The following PLEKHA2 variants were observed in gnomAD, a reference collection of about 807,000 sequenced individuals.
PLEKHA2 encodes the protein pleckstrin homology domain-containing family A member 2.
Under a neutral mutation model 53.2 loss-of-function variants are expected in PLEKHA2, and 28 were observed. The observed-to-expected ratio is 0.53, with a 90% confidence interval of 0.39 to 0.72. The LOEUF (loss-of-function observed/expected upper bound fraction) is 0.72. PLEKHA2 is among the 30% of genes least tolerant of loss of function. PLEKHA2 has a pLI of 0.00. For synonymous variants in PLEKHA2, 193 were observed against 196.4 expected, an observed-to-expected ratio of 0.98 and a Z score of 0.14; for missense variants, 426 against 537.9, an observed-to-expected ratio of 0.79 and a Z score of 2.06.
chr8:38,911,525 C>G (rs1243080776), intron 1 of PLEKHA2, among the ~76,000 whole-genome samples: 1 of 152,098 alleles, frequency 6.6e-6, no homozygotes, highest in Admixed American at 6.5e-5. Context: ...GTGTGAGCCA[C>G]CGTGCCAGGC....
intron 10 of PLEKHA2, among the ~76,000 whole-genome samples, chr8:38,966,832 G>A (rs1249778240): frequency 1.3e-5 from 2 of 152,090 alleles, no homozygotes; most frequent in Non-Finnish European, 2.9e-5. Flanking sequence ...TACAAGTGCG[G>A]TTTTGTTACA....
chr8:38,966,148 G>A (rs1430310588), intron 10 of PLEKHA2, among the ~76,000 whole-genome samples: 3 of 152,058 alleles, frequency 2.0e-5, no homozygotes, highest in African/African-American at 4.8e-5. Flanking sequence ...TTTTGCCCTC[G>A]TGCACCAGGA....
intron 1 of PLEKHA2, among the ~76,000 whole-genome samples, chr8:38,911,228 C>A (rs923750166): frequency 7.3e-6 from 1 of 137,032 alleles, no homozygotes; most frequent in African/African-American, 2.8e-5. Flanking sequence ...GAGCTCTAAC[C>A]CAGCATGAAC....
rs1834654447 is a variant in PLEKHA2 at position 38,943,707 on chromosome 8, A to T, written c.199-82A>T. On this transcript the variant is annotated intron_variant, in intron 3 of 11. Transcript: ENST00000617275. ...TAGACATATGTTTAATGTACTCTTT[A>T]TATATGAGAAATTTCACAATAAGAA... The T allele has an allele frequency of 2.7e-6, 3 of 1,091,770 alleles. No homozygotes were observed. In the South Asian group the frequency reaches 4.5e-5, roughly 16 times the overall value. The allele number at this position is 1,091,770 out of a possible 1,614,324, so 67.6% of individuals were successfully genotyped here. A position where few individuals can be genotyped will look rare whatever the true frequency, so the allele number is the denominator to read the frequency against.
At chr8:38,950,160 G>A (rs1337809837) in intron 5 of PLEKHA2, among the ~76,000 whole-genome samples, 2 of 151,968 alleles carry the variant, frequency 1.3e-5, no homozygotes, top group African/African-American at 4.8e-5. Context: ...TCCTACCTTG[G>A]CCTGTTGAGC....
intron 1 of PLEKHA2, among the ~76,000 whole-genome samples, chr8:38,910,835 T>C (rs1393104015): frequency 2.0e-5 from 3 of 152,238 alleles, no homozygotes; most frequent in Non-Finnish European, 4.4e-5. Flanking sequence ...TCCATTAATG[T>C]TATGCAACCA....
At chr8:38,944,595 T>C (rs1834673232) in intron 4 of PLEKHA2, among the ~76,000 whole-genome samples, 1 of 152,034 alleles carries the variant, frequency 6.6e-6, no homozygotes, top group Non-Finnish European at 1.5e-5. Flanking sequence ...GTGCTATGCA[T>C]ATTTAAATAA....
chr8:38,963,735 T>A (rs1033761780), intron 10 of PLEKHA2, among the ~76,000 whole-genome samples: 9 of 152,248 alleles, frequency 5.9e-5, no homozygotes, highest in African/African-American at 1.2e-4. Context: ...ATAATATTGT[T>A]TCTTCTCATA....
In PLEKHA2 at chr8:38,964,852, CTTTTTTTTTTTTTTTT is replaced by C. The variant is rs56714628; in HGVS notation, c.838-3725_838-3710del. Among the ~76,000 whole-genome samples, 5 of 54,968 alleles carry C rather than the reference CTTTTTTTTTTTTTTTT, an allele frequency of 9.1e-5. 1 individual carries two copies. The highest frequency in any genetic ancestry group is 1.7e-3 in the South Asian group (2 of 1,212). The allele number at this position is 54,968 out of a possible 152,430, so 36.1% of individuals were successfully genotyped here. A position where few individuals can be genotyped will look rare whatever the true frequency, so the allele number is the denominator to read the frequency against. On this transcript the variant is annotated intron_variant, in intron 10 of 11. Transcript: ENST00000617275. Reference sequence around the variant, plus strand: ...TATTTTATTTTTTCTTGTTACTTCCCTTTTTTTTTTTTTTTTTTTTTTTTTTTTTTGCAAAGGTTAG... The same window carrying C: ...TATTTTATTTTTTCTTGTTACTTCCCTTTTTTTTTTTTTTGCAAAGGTTAG...
Position 38,969,922 on chromosome 8 carries a change from AG to A in PLEKHA2, c.*143del. On this transcript the variant is annotated 3_prime_UTR_variant, in exon 12 of 12. Transcript: ENST00000617275. ...TTCCTGTGGATGCTCTTTGGGAGGG[AG>A]GGGCCCATCCAGCTGGGCTGTGTGT... The A allele has an allele frequency of 8.3e-7, 1 of 1,203,942 alleles. No homozygotes were observed. Among genetic ancestry groups the A allele is most frequent in the Non-Finnish European group, 1.1e-6 (1 of 881,628 alleles). 74.6% of individuals were successfully genotyped at this position (1,203,942 alleles called of 1,614,324 possible).
chr8:38,905,449 C>A (rs1404845285), intron 1 of PLEKHA2, among the ~76,000 whole-genome samples: 2 of 114,780 alleles, frequency 1.7e-5, no homozygotes, highest in Non-Finnish European at 3.6e-5. Flanking sequence ...CAGAGCGAGA[C>A]CCTGCCTCTA....
At chr8:38,935,368 A>G (rs115860899) in intron 2 of PLEKHA2, among the ~76,000 whole-genome samples, 1,672 of 150,946 alleles carry the variant, frequency 0.011, 33 homozygotes, top group African/African-American at 0.038. Context: ...TATTATCCCT[A>G]TTTTACAGAA....
At chr8:38,923,583 T>G (rs1477097127) in intron 2 of PLEKHA2, among the ~76,000 whole-genome samples, 1 of 152,202 alleles carries the variant, frequency 6.6e-6, no homozygotes, top group Admixed American at 6.5e-5. Context: ...AACAGCATTG[T>G]TAACACATAT....
chr8:38,955,287 A>G, intron 9 of PLEKHA2, among the ~76,000 whole-genome samples: 1 of 152,032 alleles, frequency 6.6e-6, no homozygotes, highest in South Asian at 2.1e-4. Flanking sequence ...CCTCCTCAAT[A>G]GTTGTTTATG....
At position 38,904,885 on chromosome 8, in the gene PLEKHA2, A is replaced by G. The variant is rs193094494; in HGVS notation, c.-24+3440A>G. Among the ~76,000 whole-genome samples, 330 of 152,334 alleles carry G rather than the reference A, an allele frequency of 2.2e-3. 2 individuals are homozygous for G. The highest frequency in any genetic ancestry group is 7.7e-3 in the African/African-American group (318 of 41,556). ...TAGGCACCCACACATGCAGTTTAACAACAACAATATTTACCCAATGTCTGG... is the reference window on the plus strand; with the variant it reads ...TAGGCACCCACACATGCAGTTTAACGACAACAATATTTACCCAATGTCTGG... On this transcript the variant is annotated intron_variant, in intron 1 of 11. Transcript: ENST00000617275.
intron 6 of PLEKHA2, among the ~76,000 whole-genome samples, chr8:38,951,197 G>A (rs1278647396): frequency 6.6e-6 from 1 of 152,214 alleles, no homozygotes; most frequent in African/African-American, 2.4e-5. Context: ...GGAGGCTGCT[G>A]CATCTTGAAG....
chr8:38,936,742 C>G (rs946844866), intron 3 of PLEKHA2, among the ~76,000 whole-genome samples: 9 of 152,258 alleles, frequency 5.9e-5, no homozygotes, highest in Admixed American at 4.6e-4. Context: ...CAGCCGCTCC[C>G]TGGAGCAGGC....
chr8:38,916,877 A>G (rs1362264922), intron 1 of PLEKHA2, among the ~76,000 whole-genome samples: 6 of 152,182 alleles, frequency 3.9e-5, no homozygotes, highest in African/African-American at 1.4e-4. Flanking sequence ...ATACTAATTT[A>G]TATTCCCACC....
chr8:38,950,272 G>C (rs1223470064), intron 5 of PLEKHA2, among the ~76,000 whole-genome samples: 1 of 152,052 alleles, frequency 6.6e-6, no homozygotes, highest in Non-Finnish European at 1.5e-5. Flanking sequence ...GGGCTCAAGT[G>C]ACCCTCCTGC....
Sources: allele counts gnomAD v4.1 joint callset (sites outside exome capture counted in the v4.1 genomes callset), GRCh38; gene constraint gnomAD v4.1.1; transcripts MANE v1.5; gene names NCBI Gene and HGNC (gene_info 2026-07-23, HGNC 2026-07-21).